Variants in CPA3 observed in about 807,000 individuals in gnomAD.
CPA3 encodes the protein mast cell carboxypeptidase A.
CPA3 carries 52 observed loss-of-function variants against 55.8 expected under a neutral mutation model. That is an observed-to-expected ratio of 0.93 (90% CI 0.75 to 1.17). CPA3 has a LOEUF of 1.17. Among genes scored for constraint, CPA3 ranks in the 50% most tolerant of loss-of-function variants. The probability of loss-of-function intolerance (pLI) is 0.00; values close to 1 mark genes in which losing one functional copy is unlikely to be tolerated. For missense variants in CPA3, 547 were observed against 509.1 expected, an observed-to-expected ratio of 1.07 and a Z score of -0.72; for synonymous variants, 179 against 171.2, an observed-to-expected ratio of 1.05 and a Z score of -0.36.
At position 148,886,185 on chromosome 3, in the gene CPA3, A is replaced by G. The variant is rs1345792989; in HGVS notation, c.1066+8A>G. 1 of 1,578,962 alleles carries G rather than the reference A, an allele frequency of 6.3e-7. No homozygotes were observed. ...CAATAGAATCAACAATTTGTAAGTC[A>G]TTCCTCTTATTTACTGAGCCCTTTT... On this transcript the variant is annotated splice_region_variant and intron_variant, in intron 10 of 10. Transcript: ENST00000296046.
intron 3 of CPA3, among the ~76,000 whole-genome samples, chr3:148,873,214 G>C (rs1004077246): frequency 1.3e-5 from 2 of 152,150 alleles, no homozygotes; most frequent in Non-Finnish European, 2.9e-5. Context: ...GTTACCAGGG[G>C]GATATTGAAT....
At chr3:148,870,164 A>G (rs1313009463) in intron 3 of CPA3, 1 of 150,834 alleles carries the variant, frequency 6.6e-6, no homozygotes, top group Non-Finnish European at 1.5e-5. Context: ...TGATGTACAG[A>G]GGGATCCCAT....
chr3:148,866,529 A>G (rs758671795), intron 2 of CPA3, among the ~76,000 whole-genome samples: 6 of 152,248 alleles, frequency 3.9e-5, no homozygotes, highest in Non-Finnish European at 7.3e-5. Flanking sequence ...GAAGCAGCCT[A>G]GTACGGAAAA....
intron 9 of CPA3, 45 bp downstream of exon 9, chr3:148,883,860 G>T: frequency 1.4e-6 from 2 of 1,385,696 alleles, no homozygotes; most frequent in South Asian, 2.3e-5. Context: ...CAATACCATT[G>T]ACTTTCAGTC....
intron 10 of CPA3, among the ~76,000 whole-genome samples, chr3:148,894,255 T>C (rs549801690): frequency 6.6e-5 from 10 of 152,058 alleles, no homozygotes; most frequent in African/African-American, 2.2e-4. Flanking sequence ...TGAAAGGAAG[T>C]AAAGTTTCTA....
chr3:148,871,704 A>C (rs1385982191), intron 3 of CPA3, among the ~76,000 whole-genome samples: 1 of 152,212 alleles, frequency 6.6e-6, no homozygotes, highest in Non-Finnish European at 1.5e-5. Flanking sequence ...AATTACCTAC[A>C]AAAATTGGTT....
intron 10 of CPA3, among the ~76,000 whole-genome samples, chr3:148,890,468 C>T (rs1714639643): frequency 6.6e-6 from 1 of 151,942 alleles, no homozygotes; most frequent in Non-Finnish European, 1.5e-5. Flanking sequence ...TGCTCTTTTT[C>T]CATATTCTAC....
At chr3:148,878,333 C>T (rs566975700) in intron 3 of CPA3, 108 bp from the exon 4 acceptor site, 1 of 818,314 alleles carries the variant, frequency 1.2e-6, no homozygotes, top group African/African-American at 1.7e-5. Flanking sequence ...ACAGAGCAAA[C>T]TTGATTAAAG....
In CPA3 at chr3:148,881,557, C is replaced by G. The variant is rs78356818; in HGVS notation, c.612C>G (p.Thr204=). The G allele has an allele frequency of 4.3e-3, 6,895 of 1,612,416 alleles. 24 individuals are homozygous for G. The highest frequency in any genetic ancestry group is 5.3e-3 in the Non-Finnish European group (6,202 of 1,179,068). ...TKTYGRNKIM[T]KLLDRMNFYI... The stretch of plus-strand genomic sequence containing the variant: ...CTTATGGGAGAAACAAAATTATGAC[C>G]AAACTCTTGGACCGAATGAATTTTT... The change falls in exon 7 of 11, where the codon ACC becomes ACG. Residue 204 remains threonine, a synonymous_variant. Transcript: ENST00000296046.
At chr3:148,866,495 C>T (rs183558930) in intron 2 of CPA3, among the ~76,000 whole-genome samples, 429 of 152,344 alleles carry the variant, frequency 2.8e-3, no homozygotes, top group Admixed American at 4.6e-3. Flanking sequence ...CAATTGCATT[C>T]CTCCGTTTGA....
chr3:148,872,653 C>T (rs907868809), intron 3 of CPA3, among the ~76,000 whole-genome samples: 16 of 152,148 alleles, frequency 1.1e-4, no homozygotes, highest in Non-Finnish European at 1.3e-4. Context: ...GTGTTTCAAT[C>T]AAATCATTCT....
At chr3:148,870,555 C>T (rs1029262970) in intron 3 of CPA3, among the ~76,000 whole-genome samples, 39 of 152,076 alleles carry the variant, frequency 2.6e-4, no homozygotes, top group South Asian at 8.3e-4. Flanking sequence ...ATGACTTTTT[C>T]GGTTTTGTTA....
At chr3:148,890,780 G>A (rs144789316) in intron 10 of CPA3, among the ~76,000 whole-genome samples, 20 of 152,282 alleles carry the variant, frequency 1.3e-4, no homozygotes, top group African/African-American at 3.1e-4. Context: ...AGTCACCAAC[G>A]TCACTTTATA....
In CPA3 at chr3:148,881,650, C is replaced by T. The variant is rs1714371472; in HGVS notation, c.687+18C>T. 6.6e-7 allele frequency: 1 copy of T among 1,507,474 alleles called. No homozygotes were observed. The highest frequency in any genetic ancestry group is 9.2e-7 in the Non-Finnish European group (1 of 1,091,594). The allele number at this position is 1,507,474 out of a possible 1,614,324, so 93.4% of individuals were successfully genotyped here. ...GGACAAAGGTACTGCTCTCTACTCT[C>T]TTGTTTGCATTTAGATATTATTTGC... On this transcript the variant is annotated intron_variant, in intron 7 of 10. Coordinates refer to ENST00000296046, the MANE Select transcript of CPA3 (RefSeq NM_001870.4).
At chr3:148,874,564 A>G (rs1054344743) in intron 3 of CPA3, among the ~76,000 whole-genome samples, 1 of 152,238 alleles carries the variant, frequency 6.6e-6, no homozygotes, top group African/African-American at 2.4e-5. Context: ...TAGGTTCATC[A>G]TAAGTCAAAA....
At chr3:148,872,297 C>T (rs2108030296) in intron 3 of CPA3, among the ~76,000 whole-genome samples, 1 of 152,286 alleles carries the variant, frequency 6.6e-6, no homozygotes, top group South Asian at 2.1e-4. Context: ...AGACACTATA[C>T]TTGGACTCAG....
chr3:148,882,112 T>C (rs1214044510), intron 7 of CPA3, among the ~76,000 whole-genome samples: 1 of 152,196 alleles, frequency 6.6e-6, no homozygotes, highest in African/African-American at 2.4e-5. Flanking sequence ...CACATCAAAT[T>C]ATTTTCTGCA....
intron 10 of CPA3, among the ~76,000 whole-genome samples, chr3:148,894,118 T>C (rs1449024846): frequency 1.3e-5 from 2 of 152,152 alleles, no homozygotes; most frequent in Admixed American, 1.3e-4. Context: ...ATAAATTAAA[T>C]AATAGACTAT....
rs149509891 is a variant in CPA3 at position 148,881,881 on chromosome 3, T to C, written c.687+249T>C. ...AATAAAGTAGTAATTACAGAGGAAA[T>C]GTATGATTGCATTATATGATATGGC... On this transcript the variant is annotated intron_variant, in intron 7 of 10. Transcript: ENST00000296046. 1.1e-4 allele frequency among the ~76,000 whole-genome samples: 16 copies of C among 152,248 alleles called. No homozygotes were observed. In the East Asian group the frequency reaches 3.1e-3, roughly 29 times the overall value.
Sources: allele counts gnomAD v4.1 joint callset (sites outside exome capture counted in the v4.1 genomes callset), GRCh38; gene constraint gnomAD v4.1.1; transcripts MANE v1.5; gene names NCBI Gene and HGNC (gene_info 2026-07-23, HGNC 2026-07-21).